SIPA1L3: variants seen among roughly 807,000 people sequenced by gnomAD.
SIPA1L3 encodes the protein signal induced proliferation associated 1 like 3.
A neutral mutation model predicts 150.1 loss-of-function variants in SIPA1L3; 59 were observed. The observed-to-expected ratio is 0.39, with a 90% confidence interval of 0.32 to 0.49. The LOEUF (loss-of-function observed/expected upper bound fraction) is 0.49. Ranked by LOEUF, SIPA1L3 falls within the 20% of genes least tolerant of loss-of-function variation. The pLI, the probability that SIPA1L3 is intolerant of heterozygous loss-of-function variation, is 0.86. For missense variants in SIPA1L3, 2,211 were observed against 2,489.5 expected, an observed-to-expected ratio of 0.89 and a Z score of 2.38; for synonymous variants, 1,070 against 1,077.6, an observed-to-expected ratio of 0.99 and a Z score of 0.14.
intron 15 of SIPA1L3, among the ~76,000 whole-genome samples, chr19:38,170,796 G>A (rs899561471): frequency 7.9e-5 from 12 of 152,096 alleles, no homozygotes; most frequent in African/African-American, 1.9e-4. Flanking sequence ...TAGGGCCAGC[G>A]ATAATGTTCC....
intron 8 of SIPA1L3, among the ~76,000 whole-genome samples, chr19:38,115,061 CT>C (rs1479890057): frequency 2.6e-5 from 4 of 152,220 alleles, no homozygotes; most frequent in Admixed American, 2.0e-4. Flanking sequence ...GTGTGGGGAG[CT>C]TACGGGAACC....
At chr19:37,967,212 G>A (rs1267263152) in intron 1 of SIPA1L3, among the ~76,000 whole-genome samples, 2 of 151,432 alleles carry the variant, frequency 1.3e-5, no homozygotes, top group Non-Finnish European at 2.9e-5. Context: ...TCATCTTCAT[G>A]TGGCATTCTC....
intron 1 of SIPA1L3, among the ~76,000 whole-genome samples, chr19:37,923,305 A>G (rs2046473154): frequency 6.6e-6 from 1 of 152,132 alleles, no homozygotes; most frequent in African/African-American, 2.4e-5. Flanking sequence ...AACCTCATGG[A>G]GTGTACTTGC....
chr19:38,080,969 CAAA>C (rs34741674), intron 2 of SIPA1L3, among the ~76,000 whole-genome samples: 3 of 117,514 alleles, frequency 2.6e-5, no homozygotes, highest in Non-Finnish European at 3.7e-5. Context: ...GACTCTGTCT[CAAA>C]AAAAAAAAAA....
At chr19:38,170,465 GCTC>G (rs1297788046) in intron 15 of SIPA1L3, among the ~76,000 whole-genome samples, 4 of 152,212 alleles carry the variant, frequency 2.6e-5, no homozygotes, top group Non-Finnish European at 5.9e-5. Flanking sequence ...CCCAGCCTCT[GCTC>G]CTGGAAGGCA....
At position 38,034,302 on chromosome 19, in the gene SIPA1L3, A is replaced by G. The variant is rs150796037; in HGVS notation, c.-311+5146A>G. ...ATTAATGGGTGCTGACTCTGTGCCA[A>G]GCCCTGCCGTAAGCGCCTCACGTGC... On this transcript the variant is annotated intron_variant, in intron 2 of 21. Coordinates refer to ENST00000222345, the MANE Select transcript of SIPA1L3 (RefSeq NM_015073.3). Among the ~76,000 whole-genome samples, 551 of 152,300 alleles carry G rather than the reference A, an allele frequency of 3.6e-3. 2 individuals carry two copies. The highest frequency in any genetic ancestry group is 0.013 in the African/African-American group (523 of 41,566).
intron 2 of SIPA1L3, among the ~76,000 whole-genome samples, chr19:38,075,651 G>A (rs1218208447): frequency 6.9e-6 from 1 of 144,414 alleles, no homozygotes; most frequent in Non-Finnish European, 1.5e-5. Context: ...ATGGTGGTGT[G>A]CACCTGTAAT....
intron 1 of SIPA1L3, among the ~76,000 whole-genome samples, chr19:37,960,985 C>T (rs1195426111): frequency 1.3e-5 from 2 of 152,020 alleles, no homozygotes; most frequent in Admixed American, 6.6e-5. Context: ...CCTCCCGCCT[C>T]ATCCTCCTGA....
At chr19:37,996,098 G>T (rs1186103228) in intron 1 of SIPA1L3, among the ~76,000 whole-genome samples, 1 of 152,122 alleles carries the variant, frequency 6.6e-6, no homozygotes, top group Non-Finnish European at 1.5e-5. Context: ...ATTTTTGGGG[G>T]ATGTGTGTGT....
chr19:38,082,325 G>A lies in SIPA1L3; in HGVS notation c.760G>A (p.Gly254Ser), dbSNP rs1030387800. 3 of 1,598,662 alleles carry A rather than the reference G, an allele frequency of 1.9e-6. No individual in the cohort carries two copies. Among genetic ancestry groups the A allele is most frequent in the African/African-American group, 1.3e-5 (1 of 74,918 alleles). ...ADPGPHLMGG[G>S]GGAKGDSHNG... ...TCCTGGCCCACACCTCATGGGGGGC[G>A]GCGGCGGAGCCAAGGGGGACTCCCA... Residue 254 changes from glycine to serine, a missense_variant, in exon 3 of 22, where the codon GGC becomes AGC. Transcript: ENST00000222345.
At position 38,164,420 on chromosome 19, in the gene SIPA1L3, A is replaced by G; in HGVS notation, c.3781-59A>G. ...GGCCCAGGCAGAGGGAGGACCCGGC[A>G]AGGGAAGATGCGCCCCTGCCCTGGA... On this transcript the variant is annotated intron_variant, in intron 14 of 21. Coordinates refer to ENST00000222345, the MANE Select transcript of SIPA1L3 (RefSeq NM_015073.3). The surrounding 1 kb of genome is among the most constrained non-coding windows in gnomAD (Gnocchi z 4.1). 1.3e-6 allele frequency: 2 copies of G among 1,508,748 alleles called. No individual in the cohort carries two copies. Among genetic ancestry groups the G allele is most frequent in the Non-Finnish European group, 1.8e-6 (2 of 1,107,528 alleles). 93.5% of individuals were successfully genotyped at this position (1,508,748 alleles called of 1,614,324 possible).
At chr19:38,008,949 C>G (rs867708641) in intron 1 of SIPA1L3, among the ~76,000 whole-genome samples, 94 of 152,248 alleles carry the variant, frequency 6.2e-4, no homozygotes, top group African/African-American at 2.1e-3. Flanking sequence ...GAGGAGCATG[C>G]CTGCACCACA....
chr19:37,955,653 G>A (rs985481134), intron 1 of SIPA1L3, among the ~76,000 whole-genome samples: 6 of 152,140 alleles, frequency 3.9e-5, no homozygotes, highest in African/African-American at 1.2e-4. Context: ...CCAGGCTTCC[G>A]TCACTTAGCA....
chr19:38,098,224 C>T (rs1654366), intron 4 of SIPA1L3, among the ~76,000 whole-genome samples: 84,045 of 151,828 alleles, frequency 0.55, 24,123 homozygotes, highest in East Asian at 0.75. Context: ...AGGGAGGTTA[C>T]TTTAATCATC....
chr19:38,056,462 AC>A (rs1382541003), intron 2 of SIPA1L3, among the ~76,000 whole-genome samples: 2 of 151,098 alleles, frequency 1.3e-5, no homozygotes, highest in African/African-American at 4.9e-5. Flanking sequence ...CTTAAACACC[AC>A]CCCTTCCATG....
intron 13 of SIPA1L3, among the ~76,000 whole-genome samples, chr19:38,159,182 G>A (rs1315501521): frequency 6.6e-6 from 1 of 152,210 alleles, no homozygotes; most frequent in Non-Finnish European, 1.5e-5. Flanking sequence ...CACACACGCG[G>A]TGACACCCTC....
intron 17 of SIPA1L3, among the ~76,000 whole-genome samples, chr19:38,193,332 G>C (rs1321726812): frequency 1.4e-5 from 2 of 140,244 alleles, no homozygotes; most frequent in Non-Finnish European, 3.1e-5. Context: ...TTGGGCGACA[G>C]AGTGAGACCC....
intron 9 of SIPA1L3, among the ~76,000 whole-genome samples, chr19:38,120,903 A>G (rs1362353165): frequency 6.6e-6 from 1 of 152,274 alleles, no homozygotes; most frequent in East Asian, 1.9e-4. Context: ...GAGATAGCAT[A>G]TAACACGGCA....
Position 37,998,532 on chromosome 19 carries a change from G to A in SIPA1L3, c.-378-30557G>A, listed in dbSNP as rs115200489. ...TGTGGTGCCACACATGTGTATTCCC[G>A]GCACTTTGGGAGACCAAGGTGGGAG... On this transcript the variant is annotated intron_variant, in intron 1 of 21. Transcript: ENST00000222345. Among the ~76,000 whole-genome samples, 100 of 152,240 alleles carry A rather than the reference G, an allele frequency of 6.6e-4. 1 individual carries two copies. Among genetic ancestry groups the A allele is most frequent in the Admixed American group, 4.0e-3 (61 of 15,288 alleles).
Sources: gnomAD v4.1 joint callset for allele counts (sites outside exome capture counted in the v4.1 genomes callset) on GRCh38, gnomAD v4.1.1 for gene constraint, Gnocchi (gnomAD v3.1) non-coding constraint, MANE v1.5 for transcripts, NCBI Gene and HGNC (gene_info 2026-07-23, HGNC 2026-07-21) for gene names.